The following ITIH3 variants were observed in gnomAD, a reference collection of about 807,000 sequenced individuals.
ITIH3 encodes the protein inter-alpha-trypsin inhibitor heavy chain 3.
Under a neutral mutation model 96.5 loss-of-function variants are expected in ITIH3, and 81 were observed. The observed-to-expected ratio is 0.84, with a 90% CI of 0.70 to 1.01. The LOEUF (loss-of-function observed/expected upper bound fraction) is 1.01, where lower values mean the gene tolerates loss of function less well. Among genes scored for constraint, ITIH3 ranks in the 50% least tolerant of loss-of-function variants. The pLI, the probability that ITIH3 is intolerant of heterozygous loss-of-function variation, is 0.00. For missense variants in ITIH3, 1,057 were observed against 1,139.3 expected (o/e 0.93, Z 1.04); for synonymous variants, 422 against 445.2 (o/e 0.95, Z 0.66).
intron 8 of ITIH3, 84 bp downstream of exon 8, chr3:52,799,572 T>G: frequency 1.8e-6 from 2 of 1,120,534 alleles, no homozygotes; most frequent in Non-Finnish European, 2.5e-6. Flanking sequence ...AAAGCTGATC[T>G]TTGTGGTGAA....
Position 52,806,349 on chromosome 3 carries a change from T to C in ITIH3, c.1999T>C (p.Phe667Leu). Residue 667 changes from phenylalanine to leucine, a missense_variant, in exon 18 of 22, where the codon TTC becomes CTC. Phe to Leu is a conservative substitution (Grantham distance 22). Coordinates refer to ENST00000449956, the MANE Select transcript of ITIH3 (RefSeq NM_002217.4). ...QIPEKDDALC[F>L]NIDEAPGTVL... ...TCCGGAGAAAGACGATGCCCTCTGC[T>C]TCAACATCGATGAAGCCCCAGGCAC... 1.2e-6 allele frequency: 2 copies of C among 1,613,974 alleles called. No homozygotes were observed. Among genetic ancestry groups the C allele is most frequent in the Non-Finnish European group, 1.7e-6 (2 of 1,179,860 alleles).
At chr3:52,800,741 G>C (rs1699800001) in intron 10 of ITIH3, 78 bp downstream of exon 10, 1 of 1,549,664 alleles carries the variant, frequency 6.5e-7, no homozygotes, top group Non-Finnish European at 8.7e-7. Flanking sequence ...TGGCTCATTG[G>C]AAAACCTGGG....
intron 7 of ITIH3, 29 bp downstream of exon 7, chr3:52,799,120 G>T: frequency 1.2e-6 from 2 of 1,611,262 alleles, no homozygotes; most frequent in Admixed American, 3.4e-5. Context: ...TCATCATCAG[G>T]GTGGGGCGAG....
intron 18 of ITIH3, 88 bp downstream of exon 18, chr3:52,806,494 A>T: frequency 1.0e-6 from 1 of 983,904 alleles, no homozygotes; most frequent in Non-Finnish European, 1.5e-6. Context: ...ACAGGTTCTC[A>T]CTCTGCCCAG....
At chr3:52,797,958 G>A (rs1699660854) in intron 6 of ITIH3, 28 bp downstream of exon 6, 1 of 1,365,542 alleles carries the variant, frequency 7.3e-7, no homozygotes, top group Non-Finnish European at 1.0e-6. Flanking sequence ...CAGACCTGGT[G>A]GGGCAGGGGA....
rs1297495465 is a variant in ITIH3, at chr3:52,796,843, A to G, written c.386A>G (p.Lys129Arg). The G allele has an allele frequency of 1.3e-6, 2 of 1,598,554 alleles. No homozygotes were observed. Residue 129 changes from lysine to arginine, a missense_variant and splice_region_variant, in exon 4 of 22, where the codon AAG becomes AGG. Transcript: ENST00000449956. ...CAGGGCAAGACGGCCGGCTTGGTCA[A>G]GTAAGTATGGACTCCCAGGCCTTGG... ...VSQGKTAGLV[K>R]ASGRKLEKFT... is the part of the protein sequence containing the mutation.
At chr3:52,806,600 A>G (rs1700059668) in intron 18 of ITIH3, among the ~76,000 whole-genome samples, 194 bp downstream of exon 18, 1 of 152,132 alleles carries the variant, frequency 6.6e-6, no homozygotes, top group Non-Finnish European at 1.5e-5. Flanking sequence ...CTATTGGGAG[A>G]TGATTAGCGT....
At chr3:52,798,044 G>T in intron 6 of ITIH3, 114 bp downstream of exon 6, 1 of 663,058 alleles carries the variant, frequency 1.5e-6, no homozygotes, top group Non-Finnish European at 2.6e-6. Flanking sequence ...GTTGGGGTGG[G>T]GCTGGGGATC....
chr3:52,806,233 GGAGGCCCCAGGTATGATGA>G (rs1700041554), intron 17 of ITIH3, 41 bp from the exon 18 acceptor site: 4 of 1,598,108 alleles, frequency 2.5e-6, no homozygotes, highest in Non-Finnish European at 3.4e-6. Flanking sequence ...GAAGGCTGGG[GGAGGCCCCAGGTATGATGA>G]GAGGCCCCGG....
At chr3:52,804,856 C>T in intron 15 of ITIH3, 122 bp downstream of exon 15, 1 of 1,088,756 alleles carries the variant, frequency 9.2e-7, no homozygotes, top group Non-Finnish European at 1.4e-6. Flanking sequence ...CACCTGGGCT[C>T]AGGCCCAGCC....
chr3:52,799,423 G>A lies in ITIH3; in HGVS notation c.841G>A (p.Val281Met), dbSNP rs1328597283. 1 of 1,612,100 alleles carries A rather than the reference G, an allele frequency of 6.2e-7. No individual in the cohort carries two copies. The highest frequency in any genetic ancestry group is 1.3e-5 in the African/African-American group (1 of 74,794). ...CTTTGCACCTCAAGGCCTTCCAGTG[G>A]TGCCTAAGAACGTGGCCTTTGTGAT... ...HFFAPQGLPV[V>M]PKNVAFVIDI... The change falls in exon 8 of 22, where the codon GTG becomes ATG. Residue 281 changes from valine (V) to methionine (M), a missense_variant. By Grantham distance (21) the Val-to-Met change is conservative (BLOSUM62 1). Coordinates refer to ENST00000449956, the MANE Select transcript of ITIH3 (RefSeq NM_002217.4).
rs1038843491 is a variant in ITIH3, at chr3:52,802,240, G to A, written c.1384-94G>A. ...GCAGAGTGAACATTAGGAGCCATTA[G>A]GACGGGCCCAGCCCTGGGGCATGGA... On this transcript the variant is annotated intron_variant, in intron 11 of 21. Coordinates refer to ENST00000449956, the MANE Select transcript of ITIH3 (RefSeq NM_002217.4). 4.1e-5 allele frequency: 55 copies of A among 1,336,186 alleles called. 1 individual carries two copies. In the East Asian group the frequency reaches 1.3e-3, roughly 32 times the overall value. 82.8% of individuals were successfully genotyped at this position (1,336,186 alleles called of 1,614,324 possible). A position where few individuals can be genotyped will look rare whatever the true frequency, so the allele number is the denominator to read the frequency against.
intron 19 of ITIH3, 71 bp downstream of exon 19, chr3:52,807,176 G>C (rs1700088421): frequency 7.5e-7 from 1 of 1,337,652 alleles, no homozygotes; most frequent in Non-Finnish European, 1.0e-6. Flanking sequence ...GAGGGATTTA[G>C]AAAAATCCCA....
chr3:52,797,576 G>A (rs1699639775), intron 5 of ITIH3, among the ~76,000 whole-genome samples: 1 of 152,200 alleles, frequency 6.6e-6, no homozygotes, highest in Non-Finnish European at 1.5e-5. Context: ...AAAGCCAAAG[G>A]AAAAGCATCA....
intron 8 of ITIH3, 42 bp downstream of exon 8, chr3:52,799,530 G>T (rs770546252): frequency 4.2e-6 from 6 of 1,430,470 alleles, no homozygotes; most frequent in African/African-American, 2.9e-5. Flanking sequence ...GGGGTAGTAG[G>T]GGGTGGAAGA....
intron 15 of ITIH3, 95 bp downstream of exon 15, chr3:52,804,829 T>C (rs547599383): frequency 2.9e-6 from 4 of 1,392,876 alleles, no homozygotes; most frequent in Non-Finnish European, 4.0e-6. Context: ...CCCCCAGCCA[T>C]GGGGGCACAC....
Position 52,799,773 on chromosome 3 carries a change from A to C in ITIH3, c.927A>C (p.Arg309Ser). 6.2e-7 allele frequency: 1 copy of C among 1,613,154 alleles called. No individual in the cohort carries two copies. ...TCCAGACAAAGGAGGCCCTTCTCAG[A>C]ATCCTGGAAGATATGCAAGAGGAAG... ...KLEQTKEALL[R>S]ILEDMQEEDY... The change falls in exon 9 of 22, where the codon AGA (arginine) becomes AGC (serine). Residue 309 changes from arginine to serine, a missense_variant. Arg to Ser is a moderately radical substitution (Grantham distance 110). Transcript: ENST00000449956.
intron 14 of ITIH3, 78 bp downstream of exon 14, chr3:52,804,087 G>A: frequency 6.7e-7 from 1 of 1,495,972 alleles, no homozygotes; most frequent in Non-Finnish European, 9.1e-7. Flanking sequence ...TGGAGGAGTG[G>A]GCCAGGCTGG....
At chr3:52,796,410 G>C in intron 2 of ITIH3, 71 bp from the exon 3 acceptor site, 1 of 1,393,470 alleles carries the variant, frequency 7.2e-7, no homozygotes, top group Non-Finnish European at 1.0e-6. Flanking sequence ...GTTTGCAAGG[G>C]AGGTGGCTGG....
Sources: allele counts gnomAD v4.1 joint callset (sites outside exome capture counted in the v4.1 genomes callset), GRCh38; gene constraint gnomAD v4.1.1; transcripts MANE v1.5; gene names NCBI Gene and HGNC (gene_info 2026-07-23, HGNC 2026-07-21).